The following CTNNA2 variants were observed in gnomAD, a reference collection of about 807,000 sequenced individuals.
CTNNA2 encodes the protein catenin alpha-2.
In CTNNA2, 42 loss-of-function variants were observed where a neutral mutation model predicts 101.0. The observed-to-expected ratio is 0.42, with a 90% confidence interval of 0.32 to 0.54. The LOEUF (loss-of-function observed/expected upper bound fraction) is 0.54, where lower values mean the gene tolerates loss of function less well. CTNNA2 is among the 20% of genes least tolerant of loss of function. The pLI, the probability that CTNNA2 is intolerant of heterozygous loss-of-function variation, is 0.14. For synonymous variants in CTNNA2, 450 were observed against 456.4 expected, an observed-to-expected ratio of 0.99 and a Z score of 0.18; for missense variants, 871 against 1,223.1, an observed-to-expected ratio of 0.71 and a Z score of 4.29.
intron 8 of CTNNA2, among the ~76,000 whole-genome samples, chr2:80,395,147 G>A (rs1677892216): frequency 6.6e-6 from 1 of 152,248 alleles, no homozygotes; most frequent in South Asian, 2.1e-4. Context: ...AAAATTTGAA[G>A]GTGAAAAATT....
intron 9 of CTNNA2, among the ~76,000 whole-genome samples, chr2:80,479,613 A>G (rs2081676444): frequency 6.6e-6 from 1 of 152,118 alleles, no homozygotes; most frequent in African/African-American, 2.4e-5. Context: ...CTCTTGGATC[A>G]ACAGGTGGAA....
chr2:80,128,516 C>A (rs541685726), intron 7 of CTNNA2, among the ~76,000 whole-genome samples: 8 of 151,974 alleles, frequency 5.3e-5, no homozygotes, highest in African/African-American at 7.3e-5. Flanking sequence ...TTCAAAGCAA[C>A]GTAAGTTAAA....
rs564707919 is a variant in CTNNA2 at position 79,789,950 on chromosome 2, AG to A, written c.298+45369del. On this transcript the variant is annotated intron_variant, in intron 3 of 18. Coordinates refer to ENST00000402739, the MANE Select transcript of CTNNA2 (RefSeq NM_001282597.3). ...GCCTAGGATTTGGCAATCTGTGATG[AG>A]AGTGGATATTAATCTTCTGGGAGAG... 2.9e-3 allele frequency among the ~76,000 whole-genome samples: 446 copies of A among 152,300 alleles called. 2 individuals are homozygous for A. The highest frequency in any genetic ancestry group is 4.9e-3 in the Non-Finnish European group (331 of 68,024).
At chr2:80,277,961 C>A (rs1674057180) in intron 7 of CTNNA2, among the ~76,000 whole-genome samples, 2 of 152,086 alleles carry the variant, frequency 1.3e-5, no homozygotes, top group African/African-American at 4.8e-5. Flanking sequence ...ATCCTTCAGT[C>A]CATGTGGTTT....
Position 80,512,639 on chromosome 2 carries a change from T to C in CTNNA2, c.1291-32343T>C, listed in dbSNP as rs1171933855. On this transcript the variant is annotated intron_variant, in intron 9 of 18. Transcript: ENST00000402739. ...TGGTTTATTATATATACATTTTCTA[T>C]TTTGGAAAATATATATGGCTATAAA... Among the ~76,000 whole-genome samples, 12 of 151,102 alleles carry C rather than the reference T, an allele frequency of 7.9e-5. No homozygotes were observed. The Admixed American group carries it at 7.9e-4, about 10-fold the overall frequency.
At chr2:80,455,594 C>T (rs926508837) in intron 9 of CTNNA2, among the ~76,000 whole-genome samples, 7 of 152,286 alleles carry the variant, frequency 4.6e-5, no homozygotes, top group Non-Finnish European at 8.8e-5. Flanking sequence ...CATTCCTCTT[C>T]CACATCTTTC....
chr2:79,909,912 G>T, intron 7 of CTNNA2, 115 bp downstream of exon 7: 1 of 1,092,932 alleles, frequency 9.1e-7, no homozygotes, highest in Non-Finnish European at 1.3e-6. Flanking sequence ...TTACCAAAGA[G>T]AGTCAGGTGA....
intron 2 of CTNNA2, among the ~76,000 whole-genome samples, chr2:79,267,347 A>G (rs1244874002): frequency 6.6e-6 from 1 of 151,854 alleles, no homozygotes; most frequent in Non-Finnish European, 1.5e-5. Flanking sequence ...TGATGAGGAC[A>G]TGCTATCTGG....
At chr2:79,998,267 A>G (rs1010632617) in intron 7 of CTNNA2, among the ~76,000 whole-genome samples, 1 of 152,216 alleles carries the variant, frequency 6.6e-6, no homozygotes, top group African/African-American at 2.4e-5. Context: ...TGCCTGTTCT[A>G]TTCAGAAGCA....
At chr2:80,127,637 T>C (rs925298508) in intron 7 of CTNNA2, among the ~76,000 whole-genome samples, 1 of 152,182 alleles carries the variant, frequency 6.6e-6, no homozygotes, top group Non-Finnish European at 1.5e-5. Context: ...AGAAGGAGAA[T>C]AGAAAATGAA....
intron 7 of CTNNA2, among the ~76,000 whole-genome samples, chr2:79,919,652 G>A (rs753860436): frequency 2.0e-5 from 3 of 152,174 alleles, no homozygotes; most frequent in Non-Finnish European, 4.4e-5. Context: ...GAGAGCAGCA[G>A]GCTGCACTCC....
chr2:79,792,819 T>G (rs1030549994), intron 3 of CTNNA2, among the ~76,000 whole-genome samples: 1 of 152,212 alleles, frequency 6.6e-6, no homozygotes, highest in Non-Finnish European at 1.5e-5. Context: ...ATGACACATT[T>G]CTGAAATCCA....
At chr2:80,297,147 T>C (rs1406851357) in intron 7 of CTNNA2, among the ~76,000 whole-genome samples, 1 of 152,236 alleles carries the variant, frequency 6.6e-6, no homozygotes, top group Non-Finnish European at 1.5e-5. Context: ...TCAGAATTCC[T>C]GGATTTCACC....
At chr2:79,459,331 A>G (rs1670854697) in intron 4 of CTNNA2, among the ~76,000 whole-genome samples, 1 of 152,128 alleles carries the variant, frequency 6.6e-6, no homozygotes, top group Non-Finnish European at 1.5e-5. Flanking sequence ...CATACAGACA[A>G]ATTGTATTTT....
At chr2:80,489,370 C>A (rs1686851821) in intron 9 of CTNNA2, among the ~76,000 whole-genome samples, 1 of 151,806 alleles carries the variant, frequency 6.6e-6, no homozygotes, top group African/African-American at 2.4e-5. Context: ...AAAGATAAAC[C>A]ATCATTAAAT....
intron 9 of CTNNA2, among the ~76,000 whole-genome samples, chr2:80,524,577 GA>G (rs1689861025): frequency 1.3e-5 from 2 of 152,112 alleles, no homozygotes; most frequent in Non-Finnish European, 2.9e-5. Flanking sequence ...TAGTCACGTT[GA>G]ACTACTTGCC....
chr2:79,935,195 T>G (rs1235508695), intron 7 of CTNNA2, among the ~76,000 whole-genome samples: 2 of 152,152 alleles, frequency 1.3e-5, no homozygotes, highest in East Asian at 3.9e-4. Context: ...TTGATTCTGC[T>G]GACAGCCATA....
chr2:80,625,922 T>C (rs1231807526), intron 18 of CTNNA2, among the ~76,000 whole-genome samples: 1 of 151,662 alleles, frequency 6.6e-6, no homozygotes, highest in East Asian at 1.9e-4. Flanking sequence ...TGTTAAATTT[T>C]CAGATATATT....
Position 79,272,619 on chromosome 2 carries a change from G to T in CTNNA2, c.-405-40090G>T, listed in dbSNP as rs148209269. On this transcript the variant is annotated intron_variant, in intron 2 of 21. Transcript: ENST00000466387. ...TAAGGAAATTAAAATTTAGATAAAA[G>T]ATTCTTGAGAATACTTGGTATAATA... Among the ~76,000 whole-genome samples, 1,015 of 152,094 alleles carry T rather than the reference G, an allele frequency of 6.7e-3. 13 individuals are homozygous for T. Among genetic ancestry groups the T allele is most frequent in the African/African-American group, 0.023 (939 of 41,530 alleles).
Sources: gnomAD v4.1 joint callset for allele counts (sites outside exome capture counted in the v4.1 genomes callset) on GRCh38, gnomAD v4.1.1 for gene constraint, MANE v1.5 for transcripts, NCBI Gene and HGNC (gene_info 2026-07-23, HGNC 2026-07-21) for gene names.